KANSL1: variants seen among roughly 807,000 people sequenced by gnomAD.
KANSL1 encodes MLL1/MLL complex subunit KANSL1.
KANSL1 carries 22 observed loss-of-function variants against 103.6 expected under a neutral mutation model. The observed-to-expected ratio is 0.21, with a 90% CI of 0.15 to 0.30. The LOEUF is 0.30. Among genes scored for constraint, KANSL1 ranks in the 10% least tolerant of loss-of-function variants. The pLI is 1.00. For missense variants in KANSL1, 1,337 were observed against 1,399.8 expected, an observed-to-expected ratio of 0.96 and a Z score of 0.72; for synonymous variants, 600 against 527.6, an observed-to-expected ratio of 1.14 and a Z score of -1.88.
intron 2 of KANSL1, among the ~76,000 whole-genome samples, chr17:46,107,850 C>T (rs1397589535): frequency 6.6e-6 from 1 of 152,326 alleles, no homozygotes; most frequent in East Asian, 1.9e-4. Flanking sequence ...AGGTCAAAAA[C>T]CTCCATGTAA....
At chr17:46,220,066 G>A (rs1236656885) in intron 1 of KANSL1, among the ~76,000 whole-genome samples, 1 of 151,986 alleles carries the variant, frequency 6.6e-6, no homozygotes, top group African/African-American at 2.4e-5. Context: ...TTGCGCCACT[G>A]CACTCTAGCC....
chr17:46,199,154 G>C (rs1444060928), intron 1 of KANSL1, among the ~76,000 whole-genome samples: 1 of 152,206 alleles, frequency 6.6e-6, no homozygotes, highest in Non-Finnish European at 1.5e-5. Flanking sequence ...CATTTTATTA[G>C]TGTGAAAATG....
rs2077213200 is a variant in KANSL1 at position 46,038,428 on chromosome 17, C to G, written c.2541+110G>C. ...ACATATGTCATGATGAGCTGAGATC[C>G]TATAAATGCCCTGGGCTTTATAACC... On this transcript the variant is annotated intron_variant, in intron 10 of 14. Coordinates refer to ENST00000432791, the MANE Select transcript of KANSL1 (RefSeq NM_015443.4). The G allele has an allele frequency of 2.6e-6, 3 of 1,158,686 alleles. 1 individual carries two copies. The South Asian group carries it at 4.7e-5, about 18-fold the overall frequency. The allele number at this position is 1,158,686 out of a possible 1,614,324, so 71.8% of individuals were successfully genotyped here.
chr17:46,174,686 T>C (rs1343800999), intron 1 of KANSL1, among the ~76,000 whole-genome samples: 2 of 152,230 alleles, frequency 1.3e-5, no homozygotes, highest in Admixed American at 1.3e-4. Flanking sequence ...TTTGTTGCTG[T>C]TATTTTGAAA....
chr17:46,144,673 A>T (rs1378633749), intron 2 of KANSL1, among the ~76,000 whole-genome samples: 11 of 137,656 alleles, frequency 8.0e-5, no homozygotes. Context: ...AGGGGATACT[A>T]CATAATAAAA....
At chr17:46,108,812 C>T (rs1390422829) in intron 2 of KANSL1, among the ~76,000 whole-genome samples, 2 of 152,174 alleles carry the variant, frequency 1.3e-5, no homozygotes, top group Non-Finnish European at 2.9e-5. Flanking sequence ...TAACTCTGGC[C>T]TCCTCATAAA....
rs187175491 is a variant in KANSL1, at chr17:46,157,221, C to T, written c.1289+13634G>A. On this transcript the variant is annotated intron_variant, in intron 2 of 14. Coordinates refer to ENST00000432791, the MANE Select transcript of KANSL1 (RefSeq NM_015443.4). The stretch of plus-strand genomic sequence containing the variant: ...TTCAGATTACCAATTATGGTAACTC[C>T]CCTGATCACTGTTTAAGTACTACTT... 4.6e-5 allele frequency among the ~76,000 whole-genome samples: 7 copies of T among 152,322 alleles called. No homozygotes were observed. In the East Asian group the frequency reaches 1.4e-3, roughly 29 times the overall value.
chr17:46,218,584 AC>A (rs1359740981), intron 1 of KANSL1, among the ~76,000 whole-genome samples: 1 of 152,098 alleles, frequency 6.6e-6, no homozygotes, highest in Non-Finnish European at 1.5e-5. Flanking sequence ...GGAGTTTGAG[AC>A]CAGCCTGGCC....
chr17:46,134,660 C>T (rs1009342267), intron 2 of KANSL1, among the ~76,000 whole-genome samples: 4 of 151,810 alleles, frequency 2.6e-5, no homozygotes, highest in Admixed American at 6.6e-5. Context: ...GCCAACATGG[C>T]GAAACCCCAC....
chr17:46,155,484 A>C lies in KANSL1; in HGVS notation c.1289+15371T>G, dbSNP rs185208083. On this transcript the variant is annotated intron_variant, in intron 2 of 14. Coordinates refer to ENST00000432791, the MANE Select transcript of KANSL1 (RefSeq NM_015443.4). ...TGGGGATTATTTTGACCTTACCCCAACCCCCAAAAGGGCACATATAATAAA... is the reference window on the plus strand; with the variant it reads ...TGGGGATTATTTTGACCTTACCCCACCCCCCAAAAGGGCACATATAATAAA... Among the ~76,000 whole-genome samples, 237 of 152,028 alleles carry C rather than the reference A, an allele frequency of 1.6e-3. 1 individual carries two copies. Among genetic ancestry groups the C allele is most frequent in the African/African-American group, 5.5e-3 (226 of 41,424 alleles).
At chr17:46,082,377 A>T in intron 4 of KANSL1, 64 bp downstream of exon 4, 1 of 1,000,012 alleles carries the variant, frequency 1.0e-6, no homozygotes, top group Non-Finnish European at 1.6e-6. Flanking sequence ...CAGAGAAAAA[A>T]CGGTGTGCCA....
intron 1 of KANSL1, among the ~76,000 whole-genome samples, chr17:46,209,785 C>A (rs191931616): frequency 1.3e-5 from 2 of 152,152 alleles, no homozygotes; most frequent in African/African-American, 2.4e-5. Context: ...TGAGCCACCA[C>A]GACCAGCCCC....
intron 3 of KANSL1, among the ~76,000 whole-genome samples, chr17:46,084,510 C>T (rs985917507): frequency 2.6e-5 from 4 of 151,628 alleles, no homozygotes; most frequent in Non-Finnish European, 4.4e-5. Flanking sequence ...AGTGAAACAA[C>T]GTCTCCAGTA....
chr17:46,216,955 A>C (rs1039420021), intron 1 of KANSL1, among the ~76,000 whole-genome samples: 2 of 152,084 alleles, frequency 1.3e-5, no homozygotes, highest in African/African-American at 4.8e-5. Flanking sequence ...AAAATATTTA[A>C]AAATAGCCAG....
intron 1 of KANSL1, among the ~76,000 whole-genome samples, chr17:46,211,877 T>A (rs1163441929): frequency 6.6e-6 from 1 of 152,252 alleles, no homozygotes; most frequent in Non-Finnish European, 1.5e-5. Context: ...GTATATTAGG[T>A]CCATTCAGGT....
At chr17:46,105,339 G>A (rs184285092) in intron 2 of KANSL1, among the ~76,000 whole-genome samples, 33 of 152,308 alleles carry the variant, frequency 2.2e-4, no homozygotes, top group Non-Finnish European at 3.4e-4. Context: ...GCTTGAGGCC[G>A]AGCATGGTGG....
At chr17:46,147,197 A>C (rs1005064911) in intron 2 of KANSL1, among the ~76,000 whole-genome samples, 2 of 152,170 alleles carry the variant, frequency 1.3e-5, no homozygotes, top group Non-Finnish European at 2.9e-5. Context: ...TATGCTTAAA[A>C]TACAACAGAA....
intron 2 of KANSL1, chr17:46,170,528 CTATA>C (rs1201178655): frequency 2.7e-6 from 1 of 363,766 alleles, no homozygotes; most frequent in Non-Finnish European, 4.8e-6. Context: ...TTATCATGTC[CTATA>C]TATAGTTTCA....
intron 2 of KANSL1, among the ~76,000 whole-genome samples, chr17:46,140,044 A>AAT (rs1450199583): frequency 1.3e-5 from 2 of 152,224 alleles, no homozygotes; most frequent in East Asian, 3.8e-4. Context: ...AATAAATGAA[A>AAT]GTAATCCCTT....
Sources: allele counts gnomAD v4.1 joint callset (sites outside exome capture counted in the v4.1 genomes callset), GRCh38; gene constraint gnomAD v4.1.1; transcripts MANE v1.5; gene names NCBI Gene and HGNC (gene_info 2026-07-23, HGNC 2026-07-21).